PLD5: variants seen among roughly 807,000 people sequenced by gnomAD.
PLD5 encodes phospholipase D family member 5.
In PLD5, 36 loss-of-function variants were observed where a neutral mutation model predicts 61.1. The observed-to-expected ratio is 0.59, with a 90% CI of 0.45 to 0.78. PLD5 has a LOEUF of 0.78. Ranked by LOEUF, PLD5 falls within the 30% of genes least tolerant of loss-of-function variation. The pLI, the probability that PLD5 is intolerant of heterozygous loss-of-function variation, is 0.00. For missense variants in PLD5, 515 were observed against 644.4 expected, an observed-to-expected ratio of 0.80 and a Z score of 2.17; for synonymous variants, 243 against 242.8, an observed-to-expected ratio of 1.00 and a Z score of -0.01.
intron 5 of PLD5, among the ~76,000 whole-genome samples, chr1:242,211,604 G>A (rs61849090): frequency 0.021 from 3,211 of 152,212 alleles, 83 homozygotes; most frequent in Admixed American, 0.06. Context: ...CTCTTTCACT[G>A]AGTATCAGTG....
At chr1:242,473,045 A>G (rs1391034693) in intron 1 of PLD5, among the ~76,000 whole-genome samples, 3 of 152,232 alleles carry the variant, frequency 2.0e-5, no homozygotes, top group African/African-American at 7.2e-5. Flanking sequence ...AAGAAAATAT[A>G]AAGAAGAATG....
chr1:242,169,796 C>A (rs1193316679), intron 5 of PLD5, among the ~76,000 whole-genome samples: 1 of 152,130 alleles, frequency 6.6e-6, no homozygotes, highest in Non-Finnish European at 1.5e-5. Flanking sequence ...ATTACCCTCA[C>A]GGTGTAAACA....
intron 1 of PLD5, among the ~76,000 whole-genome samples, chr1:242,506,195 T>C (rs1668713101): frequency 6.6e-6 from 1 of 152,180 alleles, no homozygotes; most frequent in Non-Finnish European, 1.5e-5. Context: ...TACTCCTTGC[T>C]GCATGGATGA....
At chr1:242,477,883 GT>G (rs1172059258) in intron 1 of PLD5, among the ~76,000 whole-genome samples, 3 of 152,184 alleles carry the variant, frequency 2.0e-5, no homozygotes, top group Non-Finnish European at 4.4e-5. Flanking sequence ...TGGACCCTGA[GT>G]GCAGAGTTCT....
intron 9 of PLD5, among the ~76,000 whole-genome samples, chr1:242,091,647 G>A (rs1371847820): frequency 6.6e-6 from 1 of 151,894 alleles, no homozygotes; most frequent in Non-Finnish European, 1.5e-5. Flanking sequence ...TCTTTAAATC[G>A]ATAGAATAAT....
chr1:242,346,623 T>C (rs1346697455), intron 2 of PLD5, among the ~76,000 whole-genome samples: 3 of 152,228 alleles, frequency 2.0e-5, no homozygotes, highest in African/African-American at 7.2e-5. Flanking sequence ...GAAGTAAATA[T>C]ATTTATGAAA....
chr1:242,162,027 T>TA (rs1454575619), intron 5 of PLD5, among the ~76,000 whole-genome samples: 3 of 152,154 alleles, frequency 2.0e-5, no homozygotes, highest in African/African-American at 4.8e-5. Context: ...TTATTGCCTA[T>TA]TTGGTAGGCA....
upstream of PLD5, chr1:242,524,823 CGCCGCGCCCAGGCCCGGGCG>C (rs1320206499): frequency 2.8e-4 from 42 of 151,714 alleles, no homozygotes; most frequent in African/African-American, 9.9e-4. Context: ...CCGCCCCTCC[CGCCGCGCCCAGGCCCGGGCG>C]GCCGCGCTCC....
At chr1:242,216,147 T>C (rs1237033922) in intron 5 of PLD5, among the ~76,000 whole-genome samples, 1 of 152,218 alleles carries the variant, frequency 6.6e-6, no homozygotes, top group African/African-American at 2.4e-5. Context: ...CTCATGATTG[T>C]CTTATGTTAT....
chr1:242,524,682 C>G lies in PLD5; in HGVS notation c.-406G>C, dbSNP rs1041458841. The stretch of plus-strand genomic sequence containing the variant: ...CGAGCGGGCGCTCCGCTCGCCGGCT[C>G]CTTGCGGCACCTACTGGGACCCGGG... On this transcript the variant is annotated 5_prime_UTR_variant, in exon 1 of 10. Transcript: ENST00000536534. 2 of 147,772 alleles carry G rather than the reference C, an allele frequency of 1.4e-5. No homozygotes were observed. The highest frequency in any genetic ancestry group is 4.9e-5 in the African/African-American group (2 of 40,594). 9.2% of individuals were successfully genotyped at this position (147,772 alleles called of 1,614,324 possible).
At chr1:242,365,118 T>C (rs1175749661) in intron 1 of PLD5, 5 of 152,204 alleles carry the variant, frequency 3.3e-5, no homozygotes, top group Admixed American at 3.3e-4. Flanking sequence ...TCAGTGCAGA[T>C]AAAATGAACA....
intron 4 of PLD5, among the ~76,000 whole-genome samples, chr1:242,231,455 T>C (rs2149037301): frequency 6.6e-6 from 1 of 152,310 alleles, no homozygotes; most frequent in South Asian, 2.1e-4. Context: ...TCTCTTTACC[T>C]TACCATTTGC....
chr1:242,158,038 C>A (rs1377815669), intron 5 of PLD5, among the ~76,000 whole-genome samples: 1 of 152,192 alleles, frequency 6.6e-6, no homozygotes, highest in South Asian at 2.1e-4. Context: ...CTGGCCACAG[C>A]GGCCTTCCTG....
rs957914603 is a variant in PLD5 at position 242,120,152 on chromosome 1, G to C, written c.933+4316C>G. Among the ~76,000 whole-genome samples, 3 of 152,086 alleles carry C rather than the reference G, an allele frequency of 2.0e-5. No individual in the cohort carries two copies. In the East Asian group the frequency reaches 5.8e-4, roughly 29 times the overall value. On this transcript the variant is annotated intron_variant, in intron 6 of 9. Coordinates refer to ENST00000536534, the MANE Select transcript of PLD5 (RefSeq NM_001372062.1). ...ATTCATAAAGAAAAAGTAGACTGCTGGTTGCCAGGGACTGAGAGAAGGGAA... is the reference window on the plus strand; with the variant it reads ...ATTCATAAAGAAAAAGTAGACTGCTCGTTGCCAGGGACTGAGAGAAGGGAA...
At chr1:242,219,162 G>A (rs1670405857) in intron 5 of PLD5, among the ~76,000 whole-genome samples, 1 of 152,176 alleles carries the variant, frequency 6.6e-6, no homozygotes, top group African/African-American at 2.4e-5. Context: ...GTCCTGCTAA[G>A]CAATGCTTTA....
intron 3 of PLD5, among the ~76,000 whole-genome samples, chr1:242,284,901 C>T (rs1335944405): frequency 6.6e-6 from 1 of 152,116 alleles, no homozygotes; most frequent in African/African-American, 2.4e-5. Flanking sequence ...CAGATCTCCC[C>T]CTTGTAAAGA....
At chr1:242,190,138 C>CTTTTTTTTTTTT (rs902616187) in intron 5 of PLD5, among the ~76,000 whole-genome samples, 2 of 74,382 alleles carry the variant, frequency 2.7e-5, no homozygotes, top group Non-Finnish European at 2.3e-5. Flanking sequence ...GACAGGACTC[C>CTTTTTTTTTTTT]TTTTTTTTTT....
chr1:242,520,623 C>T (rs1010073427), intron 1 of PLD5, among the ~76,000 whole-genome samples: 17 of 152,140 alleles, frequency 1.1e-4, no homozygotes, highest in South Asian at 2.1e-4. Context: ...AGGAAACCTC[C>T]GTACAGTGCA....
chr1:242,393,484 A>ATG (rs1213200798), intron 1 of PLD5, among the ~76,000 whole-genome samples: 1 of 50,676 alleles, frequency 2.0e-5, no homozygotes, highest in Non-Finnish European at 3.6e-5. Flanking sequence ...ATGTGTATAT[A>ATG]TGAGTATATA....
Sources: allele counts gnomAD v4.1 joint callset (sites outside exome capture counted in the v4.1 genomes callset), GRCh38; gene constraint gnomAD v4.1.1; transcripts MANE v1.5; gene names NCBI Gene and HGNC (gene_info 2026-07-23, HGNC 2026-07-21).